ITGAV: variants seen among roughly 807,000 people sequenced by gnomAD.
ITGAV encodes the protein integrin alpha-V.
ITGAV carries 76 observed loss-of-function variants against 143.8 expected under a neutral mutation model. That is an observed-to-expected ratio of 0.53 (90% CI 0.44 to 0.64). The LOEUF (loss-of-function observed/expected upper bound fraction) is 0.64. Ranked by LOEUF, ITGAV falls within the 30% of genes least tolerant of loss-of-function variation. The pLI is 0.00. For missense variants in ITGAV, 1,193 were observed against 1,274.7 expected (o/e 0.94, Z 0.98); for synonymous variants, 453 against 446.7 (o/e 1.01, Z -0.18).
At chr2:186,620,660 G>A (rs1303481132) in intron 2 of ITGAV, among the ~76,000 whole-genome samples, 4 of 152,128 alleles carry the variant, frequency 2.6e-5, no homozygotes, top group Admixed American at 1.3e-4. Flanking sequence ...CTACTGTGGC[G>A]GCTGAAGTGG....
intron 12 of ITGAV, among the ~76,000 whole-genome samples, chr2:186,642,121 G>A (rs1206768256): frequency 2.0e-5 from 3 of 152,088 alleles, no homozygotes; most frequent in African/African-American, 4.8e-5. Flanking sequence ...AAGCCTATTC[G>A]TTTATAATAG....
chr2:186,643,537 A>G (rs1356435588), intron 12 of ITGAV, among the ~76,000 whole-genome samples: 1 of 152,206 alleles, frequency 6.6e-6, no homozygotes, highest in East Asian at 1.9e-4. Flanking sequence ...TGTTGTTCAT[A>G]CATGAAGACA....
Position 186,664,571 on chromosome 2 carries a change from CCTACGAAGCTGAG to C in ITGAV, c.2006_2018del (p.Tyr669SerfsTer21). 6.2e-7 allele frequency: 1 copy of C among 1,614,002 alleles called. No individual in the cohort carries two copies. Among genetic ancestry groups the C allele is most frequent in the Non-Finnish European group, 8.5e-7 (1 of 1,179,914 alleles). On this transcript the variant is annotated frameshift_variant, in exon 20 of 30. Transcript: ENST00000261023. LOFTEE classifies it high-confidence loss of function. ...AAGGCTCAGAATCAAGGAGAAGGTG[CCTACGAAGCTGAG>C]CTCATCGTTTCCATTCCACTGCAGG...
Position 186,641,038 on chromosome 2 carries a change from A to AT in ITGAV, c.956+78dup. 13 of 1,174,096 alleles carry AT rather than the reference A, an allele frequency of 1.1e-5. No homozygotes were observed. In the South Asian group the frequency reaches 1.7e-4, roughly 15 times the overall value. 72.7% of individuals were successfully genotyped at this position (1,174,096 alleles called of 1,614,324 possible). A position where few individuals can be genotyped will look rare whatever the true frequency, so the allele number is the denominator to read the frequency against. ...TACGAATACTTTACTCAAACTAAAC[A>AT]TTTTTTTCTTCTGTTTTTGTATTCC... On this transcript the variant is annotated intron_variant, in intron 11 of 29. Coordinates refer to ENST00000261023, the MANE Select transcript of ITGAV (RefSeq NM_002210.5).
intron 1 of ITGAV, among the ~76,000 whole-genome samples, chr2:186,601,547 ATTATAC>A: frequency 6.6e-6 from 1 of 152,204 alleles, no homozygotes; most frequent in South Asian, 2.1e-4. Flanking sequence ...CATATTTATA[ATTATAC>A]TTTGGAATAA....
At chr2:186,592,241 C>T (rs1686633242) in intron 1 of ITGAV, among the ~76,000 whole-genome samples, 1 of 152,132 alleles carries the variant, frequency 6.6e-6, no homozygotes. Context: ...AATTTGAGAC[C>T]AACCTGGGCA....
rs769775959 is a variant in ITGAV at position 186,641,376 on chromosome 2, GTTC to G, written c.957-5_957-3del. ...GTTCTTGCTTTGGTGAGAAGTTTCT[GTTC>G]TTCTAGTTATGCAGATGTGTTTATT... On this transcript the variant is annotated splice_polypyrimidine_tract_variant and splice_region_variant and intron_variant, in intron 11 of 29. Coordinates refer to ENST00000261023, the MANE Select transcript of ITGAV (RefSeq NM_002210.5). 6.8e-6 allele frequency: 11 copies of G among 1,609,792 alleles called. No individual in the cohort carries two copies. Among genetic ancestry groups the G allele is most frequent in the Admixed American group, 1.7e-5 (1 of 59,874 alleles).
chr2:186,644,365 C>T (rs1490886172), intron 12 of ITGAV, among the ~76,000 whole-genome samples: 3 of 149,576 alleles, frequency 2.0e-5, no homozygotes, highest in Non-Finnish European at 4.4e-5. Flanking sequence ...CTCATTCTGT[C>T]GCCAGGCTGG....
intron 28 of ITGAV, chr2:186,676,158 G>A (rs926397158): frequency 1.2e-4 from 47 of 382,576 alleles, no homozygotes; most frequent in African/African-American, 9.7e-4. Flanking sequence ...AGATTTCTTA[G>A]TATATACTAA....
At chr2:186,622,584 C>T (rs1458507255) in intron 3 of ITGAV, among the ~76,000 whole-genome samples, 154 bp downstream of exon 3, 1 of 152,162 alleles carries the variant, frequency 6.6e-6, no homozygotes. Context: ...GCCACTCTGT[C>T]CAAGGAGGCC....
chr2:186,665,287 T>C, intron 21 of ITGAV, 69 bp downstream of exon 21: 1 of 980,606 alleles, frequency 1.0e-6, no homozygotes, highest in Non-Finnish European at 1.6e-6. Context: ...TCTGGGCTCA[T>C]AGTAATTTTT....
chr2:186,590,649 TCA>T, intron 1 of ITGAV, 126 bp downstream of exon 1: 1 of 845,940 alleles, frequency 1.2e-6, no homozygotes, highest in Non-Finnish European at 1.8e-6. Flanking sequence ...ATCCTACCTC[TCA>T]GAGTGGTTTA....
At chr2:186,667,129 G>GTTT in intron 22 of ITGAV, 21 bp from the exon 23 acceptor site, 10 of 1,280,146 alleles carry the variant, frequency 7.8e-6, no homozygotes, top group East Asian at 2.8e-5. Context: ...TCATTTTTAA[G>GTTT]TTTTTTTTTT....
In ITGAV at chr2:186,640,938, T is replaced by C; in HGVS notation, c.927T>C (p.Ser309=). ...AGATGGCTGCATATTTCGGATTTTCTGTAGCTGCCACTGACATTAATGGAG... is the reference window on the plus strand; with the variant it reads ...AGATGGCTGCATATTTCGGATTTTCCGTAGCTGCCACTGACATTAATGGAG... ...GEQMAAYFGF[S]VAATDINGDD... Residue 309 remains serine, a synonymous_variant, in exon 11 of 30, where the codon TCT becomes TCC. Coordinates refer to ENST00000261023, the MANE Select transcript of ITGAV (RefSeq NM_002210.5). 1 of 1,596,728 alleles carries C rather than the reference T, an allele frequency of 6.3e-7. No individual in the cohort carries two copies. The highest frequency in any genetic ancestry group is 8.6e-7 in the Non-Finnish European group (1 of 1,169,116).
At chr2:186,660,912 G>A (rs545602435) in intron 18 of ITGAV, among the ~76,000 whole-genome samples, 1 of 152,138 alleles carries the variant, frequency 6.6e-6, no homozygotes, top group African/African-American at 2.4e-5. Flanking sequence ...TTGTGTGTGT[G>A]TCTGTGTCCT....
intron 26 of ITGAV, among the ~76,000 whole-genome samples, chr2:186,671,693 A>G (rs1574504627): frequency 6.6e-6 from 1 of 152,262 alleles, no homozygotes; most frequent in Non-Finnish European, 1.5e-5. Flanking sequence ...GTATAATTAC[A>G]ACATTGAACC....
At chr2:186,653,206 A>G (rs902976066) in intron 15 of ITGAV, among the ~76,000 whole-genome samples, 1 of 151,986 alleles carries the variant, frequency 6.6e-6, no homozygotes, top group African/African-American at 2.4e-5. Context: ...CGGCCTCCCA[A>G]AGTGCTCATT....
chr2:186,677,161 A>T, intron 29 of ITGAV, 36 bp from the exon 30 acceptor site: 1 of 1,557,654 alleles, frequency 6.4e-7, no homozygotes, highest in Non-Finnish European at 8.9e-7. Flanking sequence ...TTCTACACTG[A>T]TGTGACAGTA....
At chr2:186,641,901 C>T (rs775856042) in intron 12 of ITGAV, among the ~76,000 whole-genome samples, 3 of 152,180 alleles carry the variant, frequency 2.0e-5, no homozygotes, top group Non-Finnish European at 2.9e-5. Context: ...GTTTCTGCAT[C>T]CTGCTTAGCA....
Sources: gnomAD v4.1 joint callset for allele counts (sites outside exome capture counted in the v4.1 genomes callset) on GRCh38, gnomAD v4.1.1 for gene constraint, MANE v1.5 for transcripts, NCBI Gene and HGNC (gene_info 2026-07-23, HGNC 2026-07-21) for gene names.